PDE8B: variants seen among roughly 807,000 people sequenced by gnomAD.
PDE8B encodes high affinity cAMP-specific and IBMX-insensitive 3',5'-cyclic phosphodiesterase 8B.
In PDE8B, 26 loss-of-function variants were observed where a neutral mutation model predicts 101.3. The ratio of observed to expected loss-of-function variants is 0.26; its 90% confidence interval spans 0.19 to 0.36. The LOEUF (loss-of-function observed/expected upper bound fraction) is 0.36. Ranked by LOEUF, PDE8B falls within the 10% of genes least tolerant of loss-of-function variation. PDE8B has a pLI of 1.00. For missense variants in PDE8B, 810 were observed against 1,163.1 expected (o/e 0.70, Z 4.42); for synonymous variants, 424 against 429.3 (o/e 0.99, Z 0.15).
the PDE8B span, among the ~76,000 whole-genome samples, chr5:77,155,001 A>G: frequency 1.4e-4 from 21 of 152,194 alleles, no homozygotes; most frequent in African/African-American, 4.8e-4. Flanking sequence ...AATGGGGACT[A>G]TGGCAAATTG....
intron 1 of PDE8B, chr5:77,290,538 G>A (rs544074637): frequency 1.7e-5 from 25 of 1,478,064 alleles, no homozygotes; most frequent in Non-Finnish European, 2.2e-5. Context: ...ACAGATTGAC[G>A]ATGCCTTGTG....
chr5:77,374,078 G>A (rs1318817929), intron 10 of PDE8B, among the ~76,000 whole-genome samples: 2 of 152,058 alleles, frequency 1.3e-5, no homozygotes, highest in Non-Finnish European at 1.5e-5. Context: ...TCGAACTCCC[G>A]ACCTCAGGTG....
intron 1 of PDE8B, among the ~76,000 whole-genome samples, chr5:77,231,495 C>T (rs79429625): frequency 6.8e-4 from 103 of 152,308 alleles, no homozygotes; most frequent in African/African-American, 2.3e-3. Context: ...AAATCACCTT[C>T]GTTTCTGTCT....
intron 1 of PDE8B, among the ~76,000 whole-genome samples, chr5:77,213,463 C>T (rs974649311): frequency 2.6e-5 from 4 of 152,316 alleles, no homozygotes; most frequent in Middle Eastern, 3.4e-3. Flanking sequence ...GCCTGTGACT[C>T]GGTGTTGTAT....
At chr5:77,270,684 C>A (rs574095017) in intron 1 of PDE8B, among the ~76,000 whole-genome samples, 1 of 152,214 alleles carries the variant, frequency 6.6e-6, no homozygotes, top group Non-Finnish European at 1.5e-5. Flanking sequence ...TTTTTCCGGG[C>A]TCTTGTTATT....
chr5:77,128,387 G>A, the PDE8B span, among the ~76,000 whole-genome samples: 2 of 152,220 alleles, frequency 1.3e-5, no homozygotes, highest in Non-Finnish European at 2.9e-5. Context: ...CTGGCTGATG[G>A]GGACATGGGG....
At chr5:77,125,009 G>C in the PDE8B span, among the ~76,000 whole-genome samples, 1 of 152,126 alleles carries the variant, frequency 6.6e-6, no homozygotes, top group African/African-American at 2.4e-5. Flanking sequence ...TGAGGAAAAA[G>C]AGACAGGGTC....
chr5:77,321,456 C>A (rs1775056125), intron 2 of PDE8B, among the ~76,000 whole-genome samples: 2 of 152,050 alleles, frequency 1.3e-5, no homozygotes, highest in Non-Finnish European at 2.9e-5. Context: ...CAGCCAATAT[C>A]TCTATTCTTA....
chr5:77,382,075 T>C (rs1787592240), intron 10 of PDE8B, among the ~76,000 whole-genome samples: 1 of 152,202 alleles, frequency 6.6e-6, no homozygotes, highest in Admixed American at 6.5e-5. Context: ...CATCAATCCG[T>C]ATACTCAGTT....
intron 1 of PDE8B, among the ~76,000 whole-genome samples, chr5:77,271,029 G>A (rs1021098406): frequency 6.6e-6 from 1 of 152,170 alleles, no homozygotes; most frequent in African/African-American, 2.4e-5. Context: ...GCATTGTGGG[G>A]GACACTGGCT....
At chr5:77,161,688 AGACACT>A in the PDE8B span, among the ~76,000 whole-genome samples, 7 of 152,176 alleles carry the variant, frequency 4.6e-5, no homozygotes, top group Admixed American at 1.3e-4. Flanking sequence ...TAATTTTATA[AGACACT>A]GGCAAACTCT....
chr5:77,341,997 C>T (rs1561552684), intron 6 of PDE8B, among the ~76,000 whole-genome samples: 1 of 152,194 alleles, frequency 6.6e-6, no homozygotes, highest in Non-Finnish European at 1.5e-5. Flanking sequence ...TACCTTCTCA[C>T]ACTGATATCT....
intron 7 of PDE8B, among the ~76,000 whole-genome samples, chr5:77,346,153 T>C (rs1486354214): frequency 6.6e-6 from 1 of 152,174 alleles, no homozygotes; most frequent in African/African-American, 2.4e-5. Context: ...CCTACCTGGT[T>C]TCCTGTTTAG....
intron 1 of PDE8B, among the ~76,000 whole-genome samples, chr5:77,280,853 C>T (rs577288127): frequency 2.0e-5 from 3 of 152,242 alleles, no homozygotes; most frequent in South Asian, 4.1e-4. Context: ...GCTAAGATCG[C>T]GCCACTGCAC....
At chr5:77,423,638 T>G (rs868332509) in intron 20 of PDE8B, among the ~76,000 whole-genome samples, 1,423 of 115,976 alleles carry the variant, frequency 0.012, 100 homozygotes, top group African/African-American at 0.031. Context: ...TTTAGTTTTT[T>G]TTTTTTTTTT....
chr5:77,217,169 T>G (rs1021683113), intron 1 of PDE8B, among the ~76,000 whole-genome samples: 1 of 152,112 alleles, frequency 6.6e-6, no homozygotes, highest in Admixed American at 6.5e-5. Context: ...CTGATACACT[T>G]TTTTTATCAC....
the PDE8B span, among the ~76,000 whole-genome samples, chr5:77,100,597 G>C: frequency 6.6e-6 from 1 of 152,184 alleles, no homozygotes; most frequent in Non-Finnish European, 1.5e-5. Flanking sequence ...AAAAGACCTG[G>C]GAGGCAACCC....
chr5:77,224,241 A>C (rs988710352), intron 1 of PDE8B, among the ~76,000 whole-genome samples: 4 of 152,190 alleles, frequency 2.6e-5, no homozygotes, highest in Admixed American at 6.5e-5. Context: ...AGGATGATAT[A>C]ATCAATATAT....
chr5:77,096,713 T>A, the PDE8B span, among the ~76,000 whole-genome samples: 1 of 152,236 alleles, frequency 6.6e-6, no homozygotes, highest in East Asian at 1.9e-4. Flanking sequence ...GCGCCAGCAG[T>A]ACCTCGTGTT....
Sources: allele counts gnomAD v4.1 joint callset (sites outside exome capture counted in the v4.1 genomes callset), GRCh38; gene constraint gnomAD v4.1.1; transcripts MANE v1.5; gene names NCBI Gene and HGNC (gene_info 2026-07-23, HGNC 2026-07-21).